BBX: variants seen among roughly 807,000 people sequenced by gnomAD.
BBX encodes BBX high mobility group box domain containing.
In BBX, 30 loss-of-function variants were observed where a neutral mutation model predicts 100.2. The ratio of observed to expected loss-of-function variants is 0.30; its 90% CI spans 0.22 to 0.41. The LOEUF (loss-of-function observed/expected upper bound fraction) is 0.41, where lower values mean the gene tolerates loss of function less well. BBX is among the 10% of genes least tolerant of loss of function. The probability of loss-of-function intolerance (pLI) is 1.00; values close to 1 mark genes in which losing one functional copy is unlikely to be tolerated. For synonymous variants in BBX, 376 were observed against 388.1 expected (o/e 0.97, Z 0.37); for missense variants, 1,023 against 1,129.8 (o/e 0.91, Z 1.35).
intron 3 of BBX, among the ~76,000 whole-genome samples, chr3:107,694,798 T>G (rs1371925816): frequency 6.6e-6 from 1 of 151,576 alleles, no homozygotes; most frequent in Non-Finnish European, 1.5e-5. Flanking sequence ...ACCTCTGATA[T>G]AATTCAGCTG....
intron 2 of BBX, among the ~76,000 whole-genome samples, chr3:107,602,856 C>T (rs955952504): frequency 1.3e-5 from 2 of 152,238 alleles, no homozygotes; most frequent in Non-Finnish European, 1.5e-5. Context: ...ATGCTGTGAA[C>T]ATTGTTGAAA....
intron 3 of BBX, among the ~76,000 whole-genome samples, chr3:107,708,264 A>G (rs2061500883): frequency 6.6e-6 from 1 of 152,258 alleles, no homozygotes; most frequent in Non-Finnish European, 1.5e-5. Flanking sequence ...TTATTGAGTC[A>G]GCCACACAAG....
At chr3:107,549,255 A>G (rs777067582) in intron 2 of BBX, among the ~76,000 whole-genome samples, 6 of 152,238 alleles carry the variant, frequency 3.9e-5, no homozygotes, top group Non-Finnish European at 5.9e-5. Context: ...TCCTGGGACT[A>G]TAGTAATAAG....
rs574383061 is a variant in BBX at position 107,797,797 on chromosome 3, G to C, written c.2354-726G>C. Among the ~76,000 whole-genome samples, 3 of 152,254 alleles carry C rather than the reference G, an allele frequency of 2.0e-5. No individual in the cohort carries two copies. The East Asian group carries it at 5.8e-4, about 29-fold the overall frequency. ...TCTTGACAGAGTGACTCAGAATATA[G>C]GAGTGTGCTATCAAATGATTCATTG... On this transcript the variant is annotated intron_variant, in intron 15 of 17. Transcript: ENST00000325805.
At chr3:107,588,387 G>T (rs2053028140) in intron 2 of BBX, among the ~76,000 whole-genome samples, 1 of 152,092 alleles carries the variant, frequency 6.6e-6, no homozygotes, top group Admixed American at 6.6e-5. Flanking sequence ...GTGTGTAGGA[G>T]GATCAGTAAG....
At chr3:107,566,225 G>T (rs2050904813) in intron 2 of BBX, among the ~76,000 whole-genome samples, 1 of 140,826 alleles carries the variant, frequency 7.1e-6, no homozygotes, top group Non-Finnish European at 1.5e-5. Context: ...ACCTAATCAT[G>T]TCATTTTCTT....
intron 9 of BBX, among the ~76,000 whole-genome samples, chr3:107,752,641 A>G (rs966756528): frequency 6.6e-6 from 1 of 152,190 alleles, no homozygotes; most frequent in Non-Finnish European, 1.5e-5. Context: ...CTTTAGCTGT[A>G]CCTCATGTAC....
intron 3 of BBX, among the ~76,000 whole-genome samples, chr3:107,706,464 T>C (rs2061404688): frequency 2.6e-5 from 4 of 152,050 alleles, no homozygotes; most frequent in Admixed American, 2.6e-4. Flanking sequence ...TACACATGGG[T>C]TGGTTTTTTT....
rs113214304 is a variant in BBX at position 107,735,206 on chromosome 3, G to A, written c.669+2183G>A. On this transcript the variant is annotated intron_variant, in intron 7 of 17. Coordinates refer to ENST00000325805, the MANE Select transcript of BBX (RefSeq NM_001142568.3). ...TGCATTAGCACCTGAATTTCTATCC[G>A]AAGTCTTATTCCAGATATGTAGACA... is the stretch of plus-strand genomic sequence containing the variant. Among the ~76,000 whole-genome samples, 235 of 152,192 alleles carry A rather than the reference G, an allele frequency of 1.5e-3. 4 individuals are homozygous for A. The highest frequency in any genetic ancestry group is 5.2e-3 in the African/African-American group (215 of 41,558).
chr3:107,560,892 A>G (rs1231783644), intron 2 of BBX, among the ~76,000 whole-genome samples: 6 of 152,194 alleles, frequency 3.9e-5, no homozygotes, highest in Admixed American at 2.6e-4. Context: ...AAGAAGGAAG[A>G]CCAAATTAAA....
At chr3:107,696,072 T>G (rs935099213) in intron 3 of BBX, among the ~76,000 whole-genome samples, 2 of 151,832 alleles carry the variant, frequency 1.3e-5, no homozygotes, top group African/African-American at 4.9e-5. Context: ...CATCCTTTTA[T>G]TTTGAGCCTA....
chr3:107,771,836 A>T (rs1025771747), intron 10 of BBX, among the ~76,000 whole-genome samples: 3 of 152,186 alleles, frequency 2.0e-5, no homozygotes, highest in Admixed American at 1.3e-4. Flanking sequence ...TCAAGTGGAC[A>T]GGTAGAAATT....
chr3:107,651,643 G>A (rs1380357387), intron 3 of BBX, among the ~76,000 whole-genome samples: 3 of 151,948 alleles, frequency 2.0e-5, no homozygotes, highest in Non-Finnish European at 4.4e-5. Context: ...CAAGGAAATG[G>A]CATATACTTA....
intron 7 of BBX, among the ~76,000 whole-genome samples, chr3:107,735,128 G>A (rs1468978700): frequency 6.6e-6 from 1 of 152,052 alleles, no homozygotes; most frequent in African/African-American, 2.4e-5. Flanking sequence ...ATAAAATAAT[G>A]CTGTCTCTAA....
Position 107,698,700 on chromosome 3 carries a change from G to A in BBX, c.-9-11752G>A, listed in dbSNP as rs1382379909. On this transcript the variant is annotated intron_variant, in intron 3 of 17. Coordinates refer to ENST00000325805, the MANE Select transcript of BBX (RefSeq NM_001142568.3). ...GCTCTGTGTAACCTGGAGCATGGAA[G>A]ATTAAAAATCAGTGTTCGGTGATTG... 1.3e-5 allele frequency among the ~76,000 whole-genome samples: 2 copies of A among 151,302 alleles called. 1 individual carries two copies. The highest frequency in any genetic ancestry group is 4.9e-5 in the African/African-American group (2 of 40,924).
At chr3:107,661,344 TG>T (rs1233095527) in intron 3 of BBX, among the ~76,000 whole-genome samples, 6 of 152,296 alleles carry the variant, frequency 3.9e-5, no homozygotes, top group African/African-American at 1.4e-4. Context: ...TCAGAAAATT[TG>T]GGGGCCTCGA....
At position 107,584,178 on chromosome 3, in the gene BBX, T is replaced by A. The variant is rs71631590; in HGVS notation, c.-84+57780T>A. Among the ~76,000 whole-genome samples, 6 of 24,040 alleles carry A rather than the reference T, an allele frequency of 2.5e-4. 2 individuals carry two copies. Among genetic ancestry groups the A allele is most frequent in the Non-Finnish European group, 4.4e-4 (6 of 13,704 alleles). 15.8% of individuals were successfully genotyped at this position (24,040 alleles called of 152,430 possible). ...TATGATATATATATTATTATATATA[T>A]TATATATAATATATGATATATATAT... is the stretch of plus-strand genomic sequence containing the variant. On this transcript the variant is annotated intron_variant, in intron 2 of 17. Coordinates refer to ENST00000325805, the MANE Select transcript of BBX (RefSeq NM_001142568.3).
At chr3:107,609,263 A>C (rs1252173029) in intron 2 of BBX, among the ~76,000 whole-genome samples, 1 of 152,090 alleles carries the variant, frequency 6.6e-6, no homozygotes, top group Non-Finnish European at 1.5e-5. Flanking sequence ...TGATTTTCTT[A>C]ATGTGTTATT....
At chr3:107,681,652 G>A (rs1207203001) in intron 3 of BBX, among the ~76,000 whole-genome samples, 1 of 152,100 alleles carries the variant, frequency 6.6e-6, no homozygotes, top group Non-Finnish European at 1.5e-5. Context: ...ATTACTGTAA[G>A]TTAAGCCTAA....
Sources: allele counts gnomAD v4.1 joint callset (sites outside exome capture counted in the v4.1 genomes callset), GRCh38; gene constraint gnomAD v4.1.1; transcripts MANE v1.5; gene names NCBI Gene and HGNC (gene_info 2026-07-23, HGNC 2026-07-21).